SLC25A13: variants seen among roughly 807,000 people sequenced by gnomAD.
The protein encoded by SLC25A13 is electrogenic aspartate/glutamate antiporter SLC25A13, mitochondrial.
A neutral mutation model predicts 85.5 loss-of-function variants in SLC25A13; 70 were observed. The ratio of observed to expected loss-of-function variants is 0.82; its 90% confidence interval spans 0.68 to 1.00. SLC25A13 has a LOEUF of 1.00. SLC25A13 is among the 50% of genes least tolerant of loss of function. The pLI, the probability that SLC25A13 is intolerant of heterozygous loss-of-function variation, is 0.00. For missense variants in SLC25A13, 765 were observed against 819.8 expected, an observed-to-expected ratio of 0.93 and a Z score of 0.82; for synonymous variants, 259 against 288.7, an observed-to-expected ratio of 0.90 and a Z score of 1.04.
chr7:96,267,436 T>C (rs538169918), intron 3 of SLC25A13, among the ~76,000 whole-genome samples: 3 of 152,216 alleles, frequency 2.0e-5, no homozygotes, highest in Non-Finnish European at 1.5e-5. Context: ...TTCTTTTTCA[T>C]CTTTTCTTCT....
intron 11 of SLC25A13, among the ~76,000 whole-genome samples, chr7:96,180,743 A>G (rs772930290): frequency 1.3e-5 from 2 of 152,264 alleles, no homozygotes; most frequent in African/African-American, 2.4e-5. Context: ...AACAAAGTTT[A>G]AAAGCAGAAA....
At chr7:96,137,550 G>T (rs1165375322) in intron 14 of SLC25A13, among the ~76,000 whole-genome samples, 2 of 152,182 alleles carry the variant, frequency 1.3e-5, no homozygotes, top group African/African-American at 4.8e-5. Context: ...TGGTACAGAG[G>T]AATGTTATCA....
chr7:96,218,102 A>G (rs940525412), intron 4 of SLC25A13, among the ~76,000 whole-genome samples: 24 of 152,154 alleles, frequency 1.6e-4, no homozygotes, highest in African/African-American at 5.1e-4. Context: ...ATAAAACTCC[A>G]AAGTATAAAG....
At chr7:96,173,531 T>C (rs1041128535) in intron 11 of SLC25A13, among the ~76,000 whole-genome samples, 2 of 152,236 alleles carry the variant, frequency 1.3e-5, no homozygotes, top group Non-Finnish European at 2.9e-5. Flanking sequence ...ATAACCTGCC[T>C]AGATCCTATC....
At chr7:96,212,984 T>A (rs1347491846) in intron 4 of SLC25A13, among the ~76,000 whole-genome samples, 1 of 152,168 alleles carries the variant, frequency 6.6e-6, no homozygotes, top group Admixed American at 6.5e-5. Context: ...ATGCAAAAGA[T>A]TAAAGGAAAC....
chr7:96,227,706 T>C (rs914464451), intron 4 of SLC25A13, among the ~76,000 whole-genome samples: 4 of 152,176 alleles, frequency 2.6e-5, no homozygotes, highest in African/African-American at 9.7e-5. Flanking sequence ...CGACATATCC[T>C]TGGGGAAGAG....
chr7:96,123,038 T>A (rs1252628996), intron 15 of SLC25A13, among the ~76,000 whole-genome samples: 1 of 152,196 alleles, frequency 6.6e-6, no homozygotes, highest in African/African-American at 2.4e-5. Flanking sequence ...TACAGTGAGT[T>A]GGAAGGGGGG....
At position 96,131,892 on chromosome 7, in the gene SLC25A13, G is replaced by A. The variant is rs1406994819; in HGVS notation, c.1453-11C>T. ...GCATGCTTTGGCACCCTGCACATTT[G>A]CAAAGGAAGAAAAACCACATGAAAC... On this transcript the variant is annotated splice_polypyrimidine_tract_variant and intron_variant, in intron 14 of 17. Transcript: ENST00000265631. 3 of 1,613,568 alleles carry A rather than the reference G, an allele frequency of 1.9e-6. No individual in the cohort carries two copies. Among genetic ancestry groups the A allele is most frequent in the East Asian group, 2.2e-5 (1 of 44,878 alleles).
intron 11 of SLC25A13, among the ~76,000 whole-genome samples, chr7:96,176,281 A>G (rs1414890975): frequency 1.3e-5 from 2 of 152,166 alleles, no homozygotes; most frequent in African/African-American, 2.4e-5. Context: ...CTAATATAAG[A>G]TGTTTCTGTT....
At chr7:96,312,187 G>C (rs1205797004) in intron 1 of SLC25A13, among the ~76,000 whole-genome samples, 1 of 152,184 alleles carries the variant, frequency 6.6e-6, no homozygotes, top group East Asian at 1.9e-4. Flanking sequence ...TGAAATCATA[G>C]CTCTCCTATT....
intron 1 of SLC25A13, among the ~76,000 whole-genome samples, chr7:96,319,901 A>G (rs954985165): frequency 2.6e-5 from 4 of 152,238 alleles, no homozygotes; most frequent in African/African-American, 9.6e-5. Flanking sequence ...CTCAATACTT[A>G]GCTAAAAATC....
intron 5 of SLC25A13, among the ~76,000 whole-genome samples, chr7:96,204,415 C>T (rs915556347): frequency 6.6e-6 from 1 of 152,120 alleles, no homozygotes; most frequent in East Asian, 1.9e-4. Flanking sequence ...TGGCTCATGC[C>T]TGTAATCCCA....
At chr7:96,121,629 A>G (rs765797482) in intron 17 of SLC25A13, 26 bp downstream of exon 17, 2 of 1,609,516 alleles carry the variant, frequency 1.2e-6, no homozygotes, top group Non-Finnish European at 1.7e-6. Context: ...GCCAAAATTT[A>G]GCAGCAGATT....
chr7:96,289,152 G>C (rs1799011928), intron 2 of SLC25A13, among the ~76,000 whole-genome samples: 1 of 152,322 alleles, frequency 6.6e-6, no homozygotes, highest in Non-Finnish European at 1.5e-5. Flanking sequence ...AACAGGGTCT[G>C]GTGTGGACCT....
chr7:96,225,260 C>G (rs1450364718), intron 4 of SLC25A13, among the ~76,000 whole-genome samples: 2 of 152,130 alleles, frequency 1.3e-5, no homozygotes, highest in African/African-American at 4.8e-5. Flanking sequence ...CTCTCAGGAA[C>G]AGCCCAGTGT....
chr7:96,180,400 G>A (rs746343146), intron 11 of SLC25A13, among the ~76,000 whole-genome samples: 5 of 151,988 alleles, frequency 3.3e-5, no homozygotes, highest in Non-Finnish European at 5.9e-5. Flanking sequence ...GGAATGCAGC[G>A]GCACAATCTC....
At chr7:96,229,911 C>T (rs984157601) in intron 4 of SLC25A13, among the ~76,000 whole-genome samples, 2 of 152,334 alleles carry the variant, frequency 1.3e-5, no homozygotes, top group Non-Finnish European at 2.9e-5. Context: ...CAAGAACCCA[C>T]CAATTCCAGA....
At chr7:96,249,896 A>AC (rs1554366007) in intron 3 of SLC25A13, among the ~76,000 whole-genome samples, 1 of 150,536 alleles carries the variant, frequency 6.6e-6, no homozygotes, top group Non-Finnish European at 1.5e-5. Flanking sequence ...AAAAAAAAAA[A>AC]CTCTAGGCCA....
chr7:96,280,693 C>A (rs948994587), intron 2 of SLC25A13, among the ~76,000 whole-genome samples: 1 of 152,050 alleles, frequency 6.6e-6, no homozygotes, highest in Non-Finnish European at 1.5e-5. Flanking sequence ...CCAGCCTGGG[C>A]AACAAAGTGA....
Sources: gnomAD v4.1 joint callset for allele counts (sites outside exome capture counted in the v4.1 genomes callset) on GRCh38, gnomAD v4.1.1 for gene constraint, MANE v1.5 for transcripts, NCBI Gene and HGNC (gene_info 2026-07-23, HGNC 2026-07-21) for gene names.